Variants in ABI1 observed in about 807,000 individuals in gnomAD.
The protein encoded by ABI1 is Abelson interactor 1.
ABI1 carries 14 observed loss-of-function variants against 54.6 expected under a neutral mutation model. The ratio of observed to expected loss-of-function variants is 0.26; its 90% confidence interval spans 0.17 to 0.40. The LOEUF (loss-of-function observed/expected upper bound fraction) is 0.40. Among genes scored for constraint, ABI1 ranks in the 10% least tolerant of loss-of-function variants. The pLI is 1.00. For synonymous variants in ABI1, 194 were observed against 209.3 expected (o/e 0.93, Z 0.63); for missense variants, 443 against 598.3 (o/e 0.74, Z 2.71).
intron 1 of ABI1, among the ~76,000 whole-genome samples, chr10:26,847,928 G>A (rs994681316): frequency 2.0e-5 from 3 of 151,890 alleles, no homozygotes; most frequent in Admixed American, 6.6e-5. Context: ...CACATGTTGG[G>A]AGGCCGAGTC....
intron 7 of ABI1, chr10:26,763,831 T>C: frequency 2.6e-6 from 4 of 1,511,414 alleles, no homozygotes; most frequent in Non-Finnish European, 3.7e-6. Flanking sequence ...GAGTTTATTA[T>C]GAATTATGTA....
chr10:26,844,684 T>A (rs1159894055), intron 1 of ABI1, among the ~76,000 whole-genome samples: 1 of 151,996 alleles, frequency 6.6e-6, no homozygotes, highest in Non-Finnish European at 1.5e-5. Context: ...AAAGAGGGGG[T>A]CTATAGATTC....
chr10:26,804,663 A>T (rs2046772035), intron 2 of ABI1, among the ~76,000 whole-genome samples: 1 of 152,220 alleles, frequency 6.6e-6, no homozygotes, highest in Non-Finnish European at 1.5e-5. Context: ...CTTTATAAGC[A>T]ATTCCTTATT....
intron 2 of ABI1, among the ~76,000 whole-genome samples, chr10:26,806,641 G>A (rs1287730275): frequency 6.6e-6 from 1 of 152,168 alleles, no homozygotes; most frequent in African/African-American, 2.4e-5. Context: ...TTTGAGTTCT[G>A]GAACTTATTT....
Position 26,771,524 on chromosome 10 carries a change from A to G in ABI1, c.463-435T>C, listed in dbSNP as rs570459474. Among the ~76,000 whole-genome samples, 3 of 152,358 alleles carry G rather than the reference A, an allele frequency of 2.0e-5. No homozygotes were observed. In the East Asian group the frequency reaches 5.8e-4, roughly 29 times the overall value. On this transcript the variant is annotated intron_variant, in intron 3 of 10. Transcript: ENST00000376140. ...AATGAATGTCCAAGTATGAGTATTC[A>G]TTACTTCAATGGTAGTATAGTTTAA... is the stretch of plus-strand genomic sequence containing the variant.
intron 2 of ABI1, among the ~76,000 whole-genome samples, chr10:26,779,038 T>G (rs989164467): frequency 6.6e-6 from 1 of 152,210 alleles, no homozygotes; most frequent in Non-Finnish European, 1.5e-5. Flanking sequence ...AGGAGTCTCA[T>G]GTCTTCCAAC....
At chr10:26,814,012 T>A (rs2047402379) in intron 2 of ABI1, among the ~76,000 whole-genome samples, 1 of 152,184 alleles carries the variant, frequency 6.6e-6, no homozygotes, top group Non-Finnish European at 1.5e-5. Flanking sequence ...AGTTAGTGTT[T>A]CCATTCTAGG....
At chr10:26,756,423 CAG>C (rs1195220292) in intron 8 of ABI1, among the ~76,000 whole-genome samples, 1 of 152,072 alleles carries the variant, frequency 6.6e-6, no homozygotes, top group African/African-American at 2.4e-5. Flanking sequence ...GTTAATCAGT[CAG>C]AGTTTCATGG....
chr10:26,815,134 G>A (rs2047478077), intron 2 of ABI1, among the ~76,000 whole-genome samples: 2 of 151,980 alleles, frequency 1.3e-5, no homozygotes, highest in South Asian at 4.1e-4. Flanking sequence ...CTTAAACAAT[G>A]TTTTAAGAAT....
Position 26,769,105 on chromosome 10 carries a change from A to G in ABI1, c.579-113T>C, listed in dbSNP as rs1300862899. On this transcript the variant is annotated intron_variant, in intron 5 of 10. Coordinates refer to ENST00000376140, the MANE Select transcript of ABI1 (RefSeq NM_001012750.3). ...CATGTATACCAGGATTTAAAAATAT[A>G]TATGACAAAGTTTGTAATTTTAAAA... The G allele has an allele frequency of 1.7e-5, 14 of 801,156 alleles. No homozygotes were observed. The Admixed American group carries it at 4.4e-4, about 25-fold the overall frequency. The allele number at this position is 801,156 out of a possible 1,614,324, so 49.6% of individuals were successfully genotyped here. A position where few individuals can be genotyped will look rare whatever the true frequency, so the allele number is the denominator to read the frequency against.
At chr10:26,763,834 A>C (rs201595826) in intron 7 of ABI1, 1 of 1,525,804 alleles carries the variant, frequency 6.6e-7, no homozygotes, top group Non-Finnish European at 9.1e-7. Context: ...TTTATTATGA[A>C]TTATGTAAAG....
intron 3 of ABI1, among the ~76,000 whole-genome samples, chr10:26,775,269 T>A (rs1292915276): frequency 6.6e-6 from 1 of 152,186 alleles, no homozygotes; most frequent in Non-Finnish European, 1.5e-5. Flanking sequence ...TATGTGTGTA[T>A]TTTTCAGTCA....
At chr10:26,764,115 G>A (rs780557681) in intron 7 of ABI1, among the ~76,000 whole-genome samples, 2 of 152,052 alleles carry the variant, frequency 1.3e-5, no homozygotes, top group African/African-American at 2.4e-5. Context: ...ACATAAAGAG[G>A]CTACCGAGTT....
chr10:26,829,901 G>A lies in ABI1; in HGVS notation c.118-6596C>T, dbSNP rs993809202. 3.3e-5 allele frequency among the ~76,000 whole-genome samples: 5 copies of A among 152,142 alleles called. No homozygotes were observed. The East Asian group carries it at 9.6e-4, about 29-fold the overall frequency. The stretch of plus-strand genomic sequence containing the variant: ...AAAAATTTTCAGTGTACAATTCAAT[G>A]TGCTTTGATAAATGGGTACAGTAGT... On this transcript the variant is annotated intron_variant, in intron 1 of 10. Transcript: ENST00000376140.
intron 1 of ABI1, among the ~76,000 whole-genome samples, chr10:26,838,222 C>G (rs1210582716): frequency 1.3e-5 from 2 of 151,938 alleles, no homozygotes; most frequent in African/African-American, 4.8e-5. Flanking sequence ...CAGGGTTTCA[C>G]CATCTTGGCC....
At chr10:26,778,855 G>T (rs915017036) in intron 2 of ABI1, among the ~76,000 whole-genome samples, 1 of 152,170 alleles carries the variant, frequency 6.6e-6, no homozygotes. Flanking sequence ...CATTATAAAA[G>T]ATGTGGTCCC....
intron 2 of ABI1, among the ~76,000 whole-genome samples, chr10:26,811,067 T>C (rs961998635): frequency 6.6e-6 from 1 of 152,164 alleles, no homozygotes; most frequent in African/African-American, 2.4e-5. Context: ...ATATTAAAAT[T>C]CATAAATTTC....
At chr10:26,854,806 A>G (rs1468472020) in intron 1 of ABI1, among the ~76,000 whole-genome samples, 5 of 152,356 alleles carry the variant, frequency 3.3e-5, no homozygotes, top group African/African-American at 1.2e-4. Context: ...GAATATTTCC[A>G]CATATTTTTT....
chr10:26,756,356 A>T (rs927430904), intron 8 of ABI1, among the ~76,000 whole-genome samples: 3 of 152,120 alleles, frequency 2.0e-5, no homozygotes, highest in African/African-American at 7.2e-5. Flanking sequence ...TATTTTTTTA[A>T]GTTGGCAATT....
Sources: allele counts gnomAD v4.1 joint callset (sites outside exome capture counted in the v4.1 genomes callset), GRCh38; gene constraint gnomAD v4.1.1; transcripts MANE v1.5; gene names NCBI Gene and HGNC (gene_info 2026-07-23, HGNC 2026-07-21).